The following TP63 variants were observed in gnomAD, a reference collection of about 807,000 sequenced individuals.
TP63 encodes the protein tumor protein p63.
In TP63, 17 loss-of-function variants were observed where a neutral mutation model predicts 82.8. The observed-to-expected ratio is 0.21, with a 90% confidence interval of 0.14 to 0.31. The LOEUF is 0.31. TP63 is among the 10% of genes least tolerant of loss of function. The probability of loss-of-function intolerance (pLI) is 1.00; values close to 1 mark genes in which losing one functional copy is unlikely to be tolerated. For missense variants in TP63, 648 were observed against 895.3 expected (o/e 0.72, Z 3.52); for synonymous variants, 330 against 321.7 (o/e 1.03, Z -0.28).
chr3:189,626,159 C>T, the TP63 span, among the ~76,000 whole-genome samples: 1 of 152,130 alleles, frequency 6.6e-6, no homozygotes. Flanking sequence ...CAGCTTTACT[C>T]CTAATCGATG....
intron 4 of TP63, among the ~76,000 whole-genome samples, chr3:189,854,620 A>T (rs971151059): frequency 2.6e-5 from 4 of 152,256 alleles, no homozygotes; most frequent in African/African-American, 4.8e-5. Context: ...GCAGAATTTT[A>T]TAATAATTTT....
intron 3 of TP63, among the ~76,000 whole-genome samples, chr3:189,802,540 G>T (rs1283112443): frequency 6.6e-6 from 1 of 152,180 alleles, no homozygotes; most frequent in Admixed American, 6.5e-5. Flanking sequence ...CTCAAATTCA[G>T]TCTCCTCAAT....
At chr3:189,682,163 C>A (rs997804123) in intron 1 of TP63, among the ~76,000 whole-genome samples, 1 of 152,026 alleles carries the variant, frequency 6.6e-6, no homozygotes, top group Non-Finnish European at 1.5e-5. Context: ...TGATGACATT[C>A]TTAATATCTA....
intron 3 of TP63, among the ~76,000 whole-genome samples, chr3:189,800,475 TAAA>T (rs72295286): frequency 7.4e-6 from 1 of 134,896 alleles, no homozygotes; most frequent in African/African-American, 2.8e-5. Context: ...CTTTAATGAG[TAAA>T]AAAAAAAAAA....
chr3:189,682,590 A>ATC (rs1716074723), intron 1 of TP63, among the ~76,000 whole-genome samples: 3 of 137,120 alleles, frequency 2.2e-5, no homozygotes, highest in African/African-American at 8.1e-5. Flanking sequence ...ATATATATAT[A>ATC]TATATCCTAT....
intron 1 of TP63, among the ~76,000 whole-genome samples, chr3:189,705,741 G>T (rs1038197409): frequency 6.6e-6 from 1 of 152,086 alleles, no homozygotes; most frequent in Non-Finnish European, 1.5e-5. Flanking sequence ...TCTCAAGGGG[G>T]GTACACTGAA....
At chr3:189,771,355 A>C (rs1050714712) in intron 3 of TP63, among the ~76,000 whole-genome samples, 1 of 127,030 alleles carries the variant, frequency 7.9e-6, no homozygotes, top group Non-Finnish European at 1.6e-5. Flanking sequence ...ATAATATATT[A>C]AATATATAAT....
At chr3:189,814,025 G>T (rs905409119) in intron 4 of TP63, among the ~76,000 whole-genome samples, 3 of 152,184 alleles carry the variant, frequency 2.0e-5, no homozygotes, top group African/African-American at 7.2e-5. Context: ...TTTGAAAGGG[G>T]AACAGCCAGT....
At chr3:189,788,086 T>G (rs1312472867) in intron 3 of TP63, among the ~76,000 whole-genome samples, 6 of 145,516 alleles carry the variant, frequency 4.1e-5, no homozygotes, top group Admixed American at 4.1e-4. Flanking sequence ...GTAAGTAGGT[T>G]TTTTTTTTTT....
chr3:189,830,214 C>G (rs902405402), intron 4 of TP63, among the ~76,000 whole-genome samples: 2 of 152,080 alleles, frequency 1.3e-5, no homozygotes, highest in African/African-American at 4.8e-5. Flanking sequence ...AAAAGCTAGA[C>G]CTTTACAAAT....
intron 4 of TP63, among the ~76,000 whole-genome samples, chr3:189,861,743 A>G (rs1210782870): frequency 6.6e-6 from 1 of 152,232 alleles, no homozygotes; most frequent in African/African-American, 2.4e-5. Context: ...GATTCAGAAA[A>G]GAACCACAAT....
intron 1 of TP63, among the ~76,000 whole-genome samples, chr3:189,701,279 T>A (rs1577265615): frequency 6.6e-6 from 1 of 152,160 alleles, no homozygotes; most frequent in East Asian, 1.9e-4. Context: ...GAATTAAGAA[T>A]TAGTCTGTTT....
intron 3 of TP63, among the ~76,000 whole-genome samples, chr3:189,756,366 G>A (rs759618360): frequency 7.2e-5 from 11 of 152,190 alleles, no homozygotes; most frequent in South Asian, 4.1e-4. Flanking sequence ...ACTGAATTCC[G>A]GTGTCCCCAT....
the TP63 span, among the ~76,000 whole-genome samples, chr3:189,622,239 C>A: frequency 6.6e-6 from 1 of 152,208 alleles, no homozygotes; most frequent in Non-Finnish European, 1.5e-5. Flanking sequence ...ATCCTGCTAA[C>A]TGGACCAGGA....
intron 3 of TP63, among the ~76,000 whole-genome samples, chr3:189,783,040 AT>A (rs1724344723): frequency 2.0e-5 from 3 of 152,018 alleles, no homozygotes; most frequent in Admixed American, 2.0e-4. Context: ...ATGATAGTGT[AT>A]TTTAATAAAT....
At chr3:189,769,006 A>T (rs549200637) in intron 3 of TP63, among the ~76,000 whole-genome samples, 1 of 152,304 alleles carries the variant, frequency 6.6e-6, no homozygotes, top group Non-Finnish European at 1.5e-5. Flanking sequence ...TATTTGTGTA[A>T]CATCAGCCAA....
rs1339616471 is a variant in TP63 at position 189,895,562 on chromosome 3, T to A, written c.*1060T>A. The A allele has an allele frequency of 4.5e-6, 1 of 220,934 alleles. No homozygotes were observed. The highest frequency in any genetic ancestry group is 9.1e-6 in the Non-Finnish European group (1 of 110,474). The allele number at this position is 220,934 out of a possible 1,614,324, so 13.7% of individuals were successfully genotyped here. A position where few individuals can be genotyped will look rare whatever the true frequency, so the allele number is the denominator to read the frequency against. On this transcript the variant is annotated 3_prime_UTR_variant, in exon 14 of 14. Coordinates refer to ENST00000264731, the MANE Select transcript of TP63 (RefSeq NM_003722.5). Reference sequence around the variant, plus strand: ...GTTCTAACAGTGAAGTTTTACTGTCTATTAATATTCAGGGTAAATAGGAAT... The same window carrying A: ...GTTCTAACAGTGAAGTTTTACTGTCAATTAATATTCAGGGTAAATAGGAAT...
At chr3:189,826,575 T>A (rs144002111) in intron 4 of TP63, among the ~76,000 whole-genome samples, 197 of 152,320 alleles carry the variant, frequency 1.3e-3, no homozygotes, top group African/African-American at 4.3e-3. Context: ...CTGAAAGGAT[T>A]GTTTATCAGT....
intron 3 of TP63, among the ~76,000 whole-genome samples, chr3:189,773,910 C>T (rs1299546550): frequency 1.9e-4 from 26 of 138,506 alleles, no homozygotes; most frequent in Middle Eastern, 3.9e-3. Context: ...TATTGTGTCT[C>T]GTGCCTTTTT....
Sources: gnomAD v4.1 joint callset for allele counts (sites outside exome capture counted in the v4.1 genomes callset) on GRCh38, gnomAD v4.1.1 for gene constraint, MANE v1.5 for transcripts, NCBI Gene and HGNC (gene_info 2026-07-23, HGNC 2026-07-21) for gene names.